Variants in TERF1 observed in about 807,000 individuals in gnomAD.
TERF1 encodes telomeric repeat-binding factor 1.
In TERF1, 20 loss-of-function variants were observed where a neutral mutation model predicts 55.1. That is an observed-to-expected ratio of 0.36 (90% CI 0.26 to 0.53). The LOEUF is 0.53. Among genes scored for constraint, TERF1 ranks in the 20% least tolerant of loss-of-function variants. TERF1 has a pLI of 0.91. For synonymous variants in TERF1, 168 were observed against 181.2 expected (o/e 0.93, Z 0.59); for missense variants, 439 against 535.7 (o/e 0.82, Z 1.78).
chr8:73,025,754 C>CAAA (rs35028162), intron 5 of TERF1, among the ~76,000 whole-genome samples: 5 of 47,260 alleles, frequency 1.1e-4, no homozygotes, highest in South Asian at 1.3e-3. Flanking sequence ...GACTCTGTCT[C>CAAA]AAAAAAAAAA....
intron 9 of TERF1, among the ~76,000 whole-genome samples, chr8:73,042,720 T>A (rs911240532): frequency 6.6e-6 from 1 of 152,328 alleles, no homozygotes; most frequent in African/African-American, 2.4e-5. Flanking sequence ...TTATTTGTTC[T>A]TTAGAATGGA....
chr8:73,031,929 G>A, intron 7 of TERF1, 113 bp from the exon 8 acceptor site: 1 of 647,076 alleles, frequency 1.5e-6, no homozygotes, highest in Non-Finnish European at 2.5e-6. Flanking sequence ...AAAGGAAGTA[G>A]GCCAAAGTAT....
In TERF1 at chr8:73,044,108, T is replaced by G. The variant is rs75120863; in HGVS notation, c.1144-1853T>G. ...CATGAAAAATTTATTAATGCATCTC[T>G]TGGTTTTTGTCAGTTAATGACAAGC... On this transcript the variant is annotated intron_variant, in intron 9 of 9. Coordinates refer to ENST00000276603, the MANE Select transcript of TERF1 (RefSeq NM_017489.3). Among the ~76,000 whole-genome samples the G allele has an allele frequency of 9.2e-5, 14 of 152,288 alleles. No individual in the cohort carries two copies. The East Asian group carries it at 2.1e-3, about 23-fold the overall frequency.
rs995667074 is a variant in TERF1, at chr8:73,022,975, CAT to C, written c.624+676_624+677del. Among the ~76,000 whole-genome samples the C allele has an allele frequency of 8.6e-4, 131 of 152,182 alleles. 1 individual carries two copies. Among genetic ancestry groups the C allele is most frequent in the African/African-American group, 3.1e-3 (127 of 41,514 alleles). ...AAAATAGTATAGTATTTGCATATAA[CAT>C]ATGTACATCCTCCTGTATAGTTTAA... On this transcript the variant is annotated intron_variant, in intron 4 of 9. Coordinates refer to ENST00000276603, the MANE Select transcript of TERF1 (RefSeq NM_017489.3).
chr8:73,010,524 T>C (rs1808241026), intron 1 of TERF1: 1 of 152,232 alleles, frequency 6.6e-6, no homozygotes, highest in South Asian at 2.1e-4. Flanking sequence ...ATGTATTTCC[T>C]TACTCTGTCA....
rs1055007847 is a variant in TERF1 at position 73,039,064 on chromosome 8, C to T, written c.1040-52C>T. On this transcript the variant is annotated intron_variant, in intron 8 of 9. Coordinates refer to ENST00000276603, the MANE Select transcript of TERF1 (RefSeq NM_017489.3). ...TATAATCATTAAAAATATAATTGCT[C>T]TTTTTTCTTTAATGTAAATCAATAT... is the stretch of plus-strand genomic sequence containing the variant. The T allele has an allele frequency of 2.4e-5, 28 of 1,190,368 alleles. No individual in the cohort carries two copies. The African/African-American group carries it at 4.4e-4, about 19-fold the overall frequency. 73.7% of individuals were successfully genotyped at this position (1,190,368 alleles called of 1,614,324 possible).
At chr8:73,021,135 T>G (rs915383487) in intron 3 of TERF1, among the ~76,000 whole-genome samples, 1 of 152,180 alleles carries the variant, frequency 6.6e-6, no homozygotes, top group African/African-American at 2.4e-5. Context: ...ATATATAAAA[T>G]TTTAACCAAG....
intron 2 of TERF1, 70 bp downstream of exon 2, chr8:73,014,060 A>G (rs551374370): frequency 2.2e-6 from 3 of 1,353,370 alleles, no homozygotes; most frequent in East Asian, 4.7e-5. Context: ...ATGGGAAGAA[A>G]CAGACGTTTT....
At chr8:73,021,250 T>C (rs1383804656) in intron 3 of TERF1, among the ~76,000 whole-genome samples, 2 of 152,182 alleles carry the variant, frequency 1.3e-5, no homozygotes, top group Non-Finnish European at 2.9e-5. Context: ...AAATAAACTT[T>C]TTCTCTTTTG....
At chr8:73,045,811 A>G (rs1322133406) in intron 9 of TERF1, 150 bp from the exon 10 acceptor site, 2 of 599,314 alleles carry the variant, frequency 3.3e-6, no homozygotes, top group African/African-American at 3.9e-5. Flanking sequence ...TAAATGTAAA[A>G]TCTTTTAAAA....
At chr8:73,031,952 C>T (rs1010443636) in intron 7 of TERF1, 90 bp from the exon 8 acceptor site, 6 of 868,388 alleles carry the variant, frequency 6.9e-6, no homozygotes, top group Non-Finnish European at 1.1e-5. Flanking sequence ...ATAGAAGATC[C>T]TAGAACAGAT....
chr8:73,028,970 C>T (rs1809156846), intron 6 of TERF1, among the ~76,000 whole-genome samples: 2 of 152,262 alleles, frequency 1.3e-5, no homozygotes, highest in Non-Finnish European at 2.9e-5. Context: ...TACATTAGAA[C>T]TTGCTGTACA....
chr8:73,017,947 G>A (rs1485415796), intron 2 of TERF1, among the ~76,000 whole-genome samples: 1 of 152,154 alleles, frequency 6.6e-6, no homozygotes, highest in Non-Finnish European at 1.5e-5. Flanking sequence ...CGGATCTCGT[G>A]ATCCGCCTGC....
chr8:73,041,962 T>G (rs1401399088), intron 9 of TERF1, among the ~76,000 whole-genome samples: 1 of 152,140 alleles, frequency 6.6e-6, no homozygotes, highest in Non-Finnish European at 1.5e-5. Flanking sequence ...GGCCTTTCTG[T>G]CCCCAGTAAT....
intron 9 of TERF1, among the ~76,000 whole-genome samples, chr8:73,041,661 C>T (rs530858883): frequency 2.0e-4 from 31 of 152,260 alleles, no homozygotes; most frequent in African/African-American, 5.3e-4. Context: ...AAGACCAGAA[C>T]GCTTTCCTCA....
chr8:73,036,817 G>T (rs1364767127), intron 8 of TERF1, among the ~76,000 whole-genome samples: 1 of 134,918 alleles, frequency 7.4e-6, no homozygotes, highest in Admixed American at 7.6e-5. Context: ...TATTATTGTA[G>T]TTATATATAA....
chr8:73,013,257 G>A (rs186578011), intron 1 of TERF1, among the ~76,000 whole-genome samples: 95 of 152,270 alleles, frequency 6.2e-4, no homozygotes, highest in African/African-American at 2.2e-3. Flanking sequence ...CACCTCCTCT[G>A]TGCAGAAGAT....
At chr8:73,037,626 T>G (rs1287969002) in intron 8 of TERF1, among the ~76,000 whole-genome samples, 3 of 102,560 alleles carry the variant, frequency 2.9e-5, no homozygotes, top group Non-Finnish European at 5.3e-5. Context: ...ATATTATATA[T>G]TATATATAAC....
At chr8:73,043,587 C>T (rs1346307127) in intron 9 of TERF1, among the ~76,000 whole-genome samples, 1 of 152,034 alleles carries the variant, frequency 6.6e-6, no homozygotes, top group East Asian at 1.9e-4. Context: ...TGGTTCTTAG[C>T]TCCGGGGCTG....
Sources: allele counts gnomAD v4.1 joint callset (sites outside exome capture counted in the v4.1 genomes callset), GRCh38; gene constraint gnomAD v4.1.1; transcripts MANE v1.5; gene names NCBI Gene and HGNC (gene_info 2026-07-23, HGNC 2026-07-21).